The following SUPT4H1 variants were observed in gnomAD, a reference collection of about 807,000 sequenced individuals.
SUPT4H1 encodes transcription elongation factor SPT4.
In SUPT4H1, 12 loss-of-function variants were observed where a neutral mutation model predicts 19.4. That is an observed-to-expected ratio of 0.62 (90% CI 0.40 to 1.00). The LOEUF is 1.00. Ranked by LOEUF, SUPT4H1 falls within the 50% of genes least tolerant of loss-of-function variation. The pLI, the probability that SUPT4H1 is intolerant of heterozygous loss-of-function variation, is 0.00. For synonymous variants in SUPT4H1, 58 were observed against 56.3 expected (o/e 1.03, Z -0.14); for missense variants, 115 against 149.2 (o/e 0.77, Z 1.19).
intron 2 of SUPT4H1, among the ~76,000 whole-genome samples, chr17:58,349,427 G>A (rs1450169455): frequency 6.6e-6 from 1 of 152,236 alleles, no homozygotes; most frequent in Non-Finnish European, 1.5e-5. Context: ...ATTTGAAGTA[G>A]GCTAACTTAT....
chr17:58,347,076 C>G (rs751536526), intron 4 of SUPT4H1, 112 bp downstream of exon 4: 75 of 1,057,320 alleles, frequency 7.1e-5, no homozygotes, highest in Non-Finnish European at 1.0e-4. Flanking sequence ...TGGTTCCCCC[C>G]ATCTGTAAAA....
chr17:58,347,313 G>A, intron 3 of SUPT4H1, 72 bp from the exon 4 acceptor site: 1 of 1,544,110 alleles, frequency 6.5e-7, no homozygotes, highest in Non-Finnish European at 8.9e-7. Flanking sequence ...GGAAGCTTAA[G>A]CTAAAGAAGT....
intron 2 of SUPT4H1, among the ~76,000 whole-genome samples, chr17:58,350,920 A>T (rs1480719515): frequency 6.6e-6 from 1 of 151,966 alleles, no homozygotes; most frequent in Non-Finnish European, 1.5e-5. Flanking sequence ...TTTCAAAAAA[A>T]ATTTTCATGC....
intron 2 of SUPT4H1, among the ~76,000 whole-genome samples, chr17:58,348,350 T>C (rs1298347326): frequency 6.6e-6 from 1 of 152,186 alleles, no homozygotes; most frequent in Non-Finnish European, 1.5e-5. Flanking sequence ...ACTGCCTCAA[T>C]ATGCCTCCCC....
rs942425837 is a variant in SUPT4H1, at chr17:58,345,204, A to G, written c.*1042T>C. On this transcript the variant is annotated 3_prime_UTR_variant, in exon 5 of 5. Coordinates refer to ENST00000225504, the MANE Select transcript of SUPT4H1 (RefSeq NM_003168.3). ...AGAGCAAAAGTATTTCACCTTTATA[A>G]TACTTATATAATTTTCACATAGCTT... 8.5e-5 allele frequency: 13 copies of G among 152,098 alleles called. No individual in the cohort carries two copies. Among genetic ancestry groups the G allele is most frequent in the African/African-American group, 3.1e-4 (13 of 41,416 alleles). 9.4% of individuals were successfully genotyped at this position (152,098 alleles called of 1,614,324 possible). A position where few individuals can be genotyped will look rare whatever the true frequency, so the allele number is the denominator to read the frequency against.
In SUPT4H1 at chr17:58,345,448, GA is replaced by G. The variant is rs1972250880; in HGVS notation, c.*797del. 6.6e-6 allele frequency: 1 copy of G among 152,150 alleles called. No individual in the cohort carries two copies. The allele number at this position is 152,150 out of a possible 1,614,324, so 9.4% of individuals were successfully genotyped here. On this transcript the variant is annotated 3_prime_UTR_variant, in exon 5 of 5. Transcript: ENST00000225504. ...CAAGGTCCCCTACTAGGCCGGAGGA[GA>G]AAAGGACCTACCTCCTACAGGGGCA...
At chr17:58,349,235 TTATGA>T (rs1223019769) in intron 2 of SUPT4H1, among the ~76,000 whole-genome samples, 1 of 152,270 alleles carries the variant, frequency 6.6e-6, no homozygotes, top group Non-Finnish European at 1.5e-5. Flanking sequence ...TTAGTTCAAC[TTATGA>T]TTTTTCAAAT....
chr17:58,348,425 T>C (rs1972372038), intron 2 of SUPT4H1, among the ~76,000 whole-genome samples: 1 of 152,140 alleles, frequency 6.6e-6, no homozygotes, highest in Non-Finnish European at 1.5e-5. Flanking sequence ...AAATCCTACA[T>C]TCTCAGCCAT....
intron 2 of SUPT4H1, among the ~76,000 whole-genome samples, chr17:58,348,793 G>A (rs781234715): frequency 6.6e-6 from 1 of 151,620 alleles, no homozygotes; most frequent in Non-Finnish European, 1.5e-5. Context: ...TCCAATTCTG[G>A]TTGAGGTCAT....
intron 2 of SUPT4H1, among the ~76,000 whole-genome samples, chr17:58,350,543 T>C (rs1972461982): frequency 9.1e-6 from 1 of 109,598 alleles, no homozygotes; most frequent in South Asian, 2.6e-4. Context: ...ATAAGTAAAA[T>C]GGCTAAAATG....
At chr17:58,347,617 G>A (rs1281404509) in intron 2 of SUPT4H1, 33 bp from the exon 3 acceptor site, 22 of 1,607,366 alleles carry the variant, frequency 1.4e-5, no homozygotes, top group South Asian at 8.8e-5. Flanking sequence ...GAGTCAGCCT[G>A]AGCCTCCCTG....
chr17:58,349,639 G>T (rs756838002), intron 2 of SUPT4H1, among the ~76,000 whole-genome samples: 18 of 152,214 alleles, frequency 1.2e-4, no homozygotes, highest in Non-Finnish European at 2.4e-4. Context: ...AACAACCCAA[G>T]ATATCATTGA....
chr17:58,350,593 T>C (rs749511558), intron 2 of SUPT4H1, among the ~76,000 whole-genome samples: 1 of 151,630 alleles, frequency 6.6e-6, no homozygotes, highest in African/African-American at 2.4e-5. Flanking sequence ...CCCAGCACTA[T>C]GAGAGGCCGA....
intron 4 of SUPT4H1, 62 bp from the exon 5 acceptor site, chr17:58,346,375 AGCTGCCAC>A: frequency 2.1e-6 from 3 of 1,410,240 alleles, no homozygotes; most frequent in African/African-American, 2.8e-5. Context: ...TAGGCCACTC[AGCTGCCAC>A]CTTGAGGGGG....
intron 2 of SUPT4H1, 58 bp downstream of exon 2, chr17:58,351,344 T>C (rs1450293845): frequency 8.0e-7 from 1 of 1,246,020 alleles, no homozygotes; most frequent in Non-Finnish European, 1.2e-6. Context: ...CTGCATTTAC[T>C]TCTCTGGGTG....
At chr17:58,351,642 C>A in intron 1 of SUPT4H1, 134 bp from the exon 2 acceptor site, 1 of 637,974 alleles carries the variant, frequency 1.6e-6, no homozygotes, top group East Asian at 2.7e-5. Context: ...TAAGGTTCCC[C>A]ACCTACTACT....
intron 2 of SUPT4H1, among the ~76,000 whole-genome samples, chr17:58,348,303 C>G (rs941733246): frequency 6.6e-6 from 1 of 152,210 alleles, no homozygotes; most frequent in Non-Finnish European, 1.5e-5. Flanking sequence ...TGCTTACTGA[C>G]TGCCTATTGT....
At chr17:58,351,885 A>AG in intron 1 of SUPT4H1, 182 bp downstream of exon 1, 1 of 639,516 alleles carries the variant, frequency 1.6e-6, no homozygotes, top group East Asian at 2.8e-5. Flanking sequence ...CCCTGCCCTC[A>AG]GCTGCAAGAC....
At chr17:58,351,375 TG>T in intron 2 of SUPT4H1, 26 bp downstream of exon 2, 1 of 1,526,446 alleles carries the variant, frequency 6.6e-7, no homozygotes, top group Non-Finnish European at 9.1e-7. Context: ...AATGCAGAAG[TG>T]AATGATGGAA....
Sources: allele counts gnomAD v4.1 joint callset (sites outside exome capture counted in the v4.1 genomes callset), GRCh38; gene constraint gnomAD v4.1.1; transcripts MANE v1.5; gene names NCBI Gene and HGNC (gene_info 2026-07-23, HGNC 2026-07-21).